LACTB: variants seen among roughly 807,000 people sequenced by gnomAD.
LACTB encodes the protein lactamase beta.
Under a neutral mutation model 50.2 loss-of-function variants are expected in LACTB, and 35 were observed. The observed-to-expected ratio is 0.70, with a 90% confidence interval of 0.53 to 0.92. The LOEUF is 0.92. Ranked by LOEUF, LACTB falls within the 40% of genes least tolerant of loss-of-function variation. The pLI is 0.00. For synonymous variants in LACTB, 252 were observed against 268.2 expected (o/e 0.94, Z 0.59); for missense variants, 664 against 691.8 (o/e 0.96, Z 0.45).
intron 2 of LACTB, 115 bp downstream of exon 2, chr15:63,122,817 T>G: frequency 1.4e-6 from 1 of 715,182 alleles, no homozygotes. Flanking sequence ...CGATGCATAT[T>G]GTAGAGAAAA....
chr15:63,128,113 C>T (rs2037078921), intron 4 of LACTB, among the ~76,000 whole-genome samples: 1 of 152,120 alleles, frequency 6.6e-6, no homozygotes, highest in African/African-American at 2.4e-5. Flanking sequence ...CAAAAATCTG[C>T]TCTATACAAA....
intron 5 of LACTB, among the ~76,000 whole-genome samples, chr15:63,135,949 A>G (rs1390274255): frequency 6.6e-6 from 1 of 151,388 alleles, no homozygotes; most frequent in East Asian, 1.9e-4. Context: ...CAGAGCAGCT[A>G]TTATTTCCTG....
At chr15:63,131,419 G>C (rs1238323851) in intron 5 of LACTB, 1 of 152,096 alleles carries the variant, frequency 6.6e-6, no homozygotes, top group Admixed American at 6.5e-5. Flanking sequence ...TTTTAAAATA[G>C]TATATGAAAT....
Position 63,122,029 on chromosome 15 carries a change from G to A in LACTB, c.158G>A (p.Gly53Glu), listed in dbSNP as rs901669698. 1 of 1,413,968 alleles carries A rather than the reference G, an allele frequency of 7.1e-7. No homozygotes were observed. Among genetic ancestry groups the A allele is most frequent in the Non-Finnish European group, 9.1e-7 (1 of 1,092,900 alleles). 87.6% of individuals were successfully genotyped at this position (1,413,968 alleles called of 1,614,324 possible). A position where few individuals can be genotyped will look rare whatever the true frequency, so the allele number is the denominator to read the frequency against. ...GLGLGLGLAL[G>E]VKLAGGLRGA... ...GGGCTGGGGCTGGGGCTGGCGCTCG[G>A]GGTGAAGCTGGCAGGTGGGCTGAGG... Residue 53 changes from glycine (G) to glutamate (E), a missense_variant, in exon 1 of 6, where the codon GGG (glycine) becomes GAG (glutamate). Transcript: ENST00000261893.
chr15:63,136,720 C>G (rs1039797311), intron 5 of LACTB, among the ~76,000 whole-genome samples: 3 of 151,776 alleles, frequency 2.0e-5, no homozygotes, highest in African/African-American at 7.3e-5. Flanking sequence ...AAGATACAGG[C>G]AAAAATAAAA....
intron 5 of LACTB, 179 bp from the exon 6 acceptor site, chr15:63,141,101 G>C (rs925763660): frequency 3.0e-6 from 3 of 983,672 alleles, no homozygotes; most frequent in Non-Finnish European, 3.6e-6. Context: ...ATCTTACTTA[G>C]TTATCTGTGT....
At chr15:63,123,165 A>G (rs1245547609) in intron 2 of LACTB, among the ~76,000 whole-genome samples, 1 of 152,256 alleles carries the variant, frequency 6.6e-6, no homozygotes, top group African/African-American at 2.4e-5. Context: ...AGTGGCATGC[A>G]ATTTAAAGCT....
At chr15:63,123,168 T>G (rs978429174) in intron 2 of LACTB, among the ~76,000 whole-genome samples, 5 of 152,182 alleles carry the variant, frequency 3.3e-5, no homozygotes, top group Admixed American at 6.5e-5. Context: ...GGCATGCAAT[T>G]TAAAGCTTAC....
chr15:63,137,252 C>A (rs1298564911), intron 5 of LACTB, among the ~76,000 whole-genome samples: 1 of 152,148 alleles, frequency 6.6e-6, no homozygotes, highest in African/African-American at 2.4e-5. Context: ...AAGTGAACAT[C>A]ACAAAGGAGC....
At chr15:63,138,874 T>C (rs1035357027) in intron 5 of LACTB, among the ~76,000 whole-genome samples, 14 of 151,330 alleles carry the variant, frequency 9.3e-5, no homozygotes, top group African/African-American at 3.4e-4. Context: ...ACCCCGTTTC[T>C]ACTAAAAATA....
At chr15:63,135,190 GCTTTGTGTTCTTATCTA>G (rs2037165187) in intron 5 of LACTB, among the ~76,000 whole-genome samples, 1 of 151,904 alleles carries the variant, frequency 6.6e-6, no homozygotes, top group African/African-American at 2.4e-5. Flanking sequence ...AAATTTTTTA[GCTTTGTGTTCTTATCTA>G]CATACTAGTT....
intron 2 of LACTB, among the ~76,000 whole-genome samples, chr15:63,125,325 G>A (rs1037144306): frequency 5.3e-5 from 8 of 151,874 alleles, no homozygotes; most frequent in African/African-American, 1.5e-4. Context: ...GCACCACCAC[G>A]CCTGGCTAAT....
chr15:63,126,190 G>A (rs1365916198), intron 2 of LACTB, among the ~76,000 whole-genome samples: 4 of 152,200 alleles, frequency 2.6e-5, no homozygotes, highest in East Asian at 3.8e-4. Flanking sequence ...CGCCCTGGCT[G>A]GAGTGCAGTG....
At chr15:63,133,593 T>A (rs2141075470) in intron 5 of LACTB, among the ~76,000 whole-genome samples, 1 of 152,308 alleles carries the variant, frequency 6.6e-6, no homozygotes, top group East Asian at 1.9e-4. Context: ...CCAGCCTGGG[T>A]GACAAAGCAA....
At chr15:63,134,429 C>T (rs901986712) in intron 5 of LACTB, among the ~76,000 whole-genome samples, 1 of 152,052 alleles carries the variant, frequency 6.6e-6, no homozygotes. Flanking sequence ...TTTAAGAGGC[C>T]AGATTCATCC....
chr15:63,127,768 C>T (rs1476167225), intron 4 of LACTB, 79 bp downstream of exon 4: 25 of 974,012 alleles, frequency 2.6e-5, no homozygotes, highest in East Asian at 5.0e-5. Flanking sequence ...TGATACCATC[C>T]GGAGTGCATT....
At chr15:63,135,041 T>C (rs1424423741) in intron 5 of LACTB, among the ~76,000 whole-genome samples, 1 of 152,224 alleles carries the variant, frequency 6.6e-6, no homozygotes, top group Admixed American at 6.5e-5. Context: ...TTCCATTTTA[T>C]TATTTGATTT....
rs1188799070 is a variant in LACTB at position 63,141,517 on chromosome 15, G to T, written c.1356G>T (p.Met452Ile). ...MMWTPVPNTE[M>I]SWDKEGKYAM... ...GGACCCCAGTCCCTAACACAGAGATGTCTTGGGATAAAGAGGGTAAATATG... is the reference window on the plus strand; with the variant it reads ...GGACCCCAGTCCCTAACACAGAGATTTCTTGGGATAAAGAGGGTAAATATG... Residue 452 changes from methionine (M) to isoleucine (I), a missense_variant, in exon 6 of 6, where the codon ATG becomes ATT. Met to Ile is a conservative substitution (Grantham distance 10, BLOSUM62 1). Coordinates refer to ENST00000261893, the MANE Select transcript of LACTB (RefSeq NM_032857.5). 1 of 1,614,234 alleles carries T rather than the reference G, an allele frequency of 6.2e-7. No homozygotes were observed. The highest frequency in any genetic ancestry group is 1.7e-5 in the Admixed American group (1 of 60,018).
At chr15:63,134,812 A>ATGTGTGTGTGTGTGTG (rs59941185) in intron 5 of LACTB, among the ~76,000 whole-genome samples, 5 of 148,614 alleles carry the variant, frequency 3.4e-5, no homozygotes, top group African/African-American at 7.4e-5. Flanking sequence ...TGTGTGTGTG[A>ATGTGTGTGTGTGTGTG]TGTGTGTGTG....
Sources: gnomAD v4.1 joint callset for allele counts (sites outside exome capture counted in the v4.1 genomes callset) on GRCh38, gnomAD v4.1.1 for gene constraint, MANE v1.5 for transcripts, NCBI Gene and HGNC (gene_info 2026-07-23, HGNC 2026-07-21) for gene names.